The following METAP2 variants were observed in gnomAD, a reference collection of about 807,000 sequenced individuals.
METAP2 encodes the protein methionine aminopeptidase 2.
A neutral mutation model predicts 59.4 loss-of-function variants in METAP2; 25 were observed. That is an observed-to-expected ratio of 0.42 (90% CI 0.31 to 0.59). The LOEUF is 0.59. METAP2 is among the 20% of genes least tolerant of loss of function. The pLI, the probability that METAP2 is intolerant of heterozygous loss-of-function variation, is 0.16. For synonymous variants in METAP2, 214 were observed against 194.1 expected, an observed-to-expected ratio of 1.10 and a Z score of -0.85; for missense variants, 366 against 581.2, an observed-to-expected ratio of 0.63 and a Z score of 3.81.
chr12:95,478,532 T>C (rs987626533), intron 2 of METAP2, among the ~76,000 whole-genome samples: 2 of 152,082 alleles, frequency 1.3e-5, no homozygotes, highest in Non-Finnish European at 2.9e-5. Flanking sequence ...CTCGGGAGGC[T>C]GAGGCAGGAA....
At chr12:95,480,996 A>G (rs553582419) in intron 2 of METAP2, among the ~76,000 whole-genome samples, 3 of 152,312 alleles carry the variant, frequency 2.0e-5, no homozygotes, top group East Asian at 3.9e-4. Flanking sequence ...GTTTAGGTCT[A>G]TGGTTCATTT....
At chr12:95,507,614 G>A (rs77054572) in intron 8 of METAP2, among the ~76,000 whole-genome samples, 3,527 of 152,234 alleles carry the variant, frequency 0.023, 139 homozygotes, top group African/African-American at 0.08. Flanking sequence ...CTGCGTTAAG[G>A]ATCTTCTTTT....
intron 8 of METAP2, among the ~76,000 whole-genome samples, chr12:95,505,392 A>G (rs1316817660): frequency 6.6e-6 from 1 of 152,122 alleles, no homozygotes; most frequent in African/African-American, 2.4e-5. Flanking sequence ...CAATGATGCA[A>G]TCTCGGCTCA....
intron 3 of METAP2, chr12:95,485,023 C>T (rs2076185318): frequency 2.7e-6 from 1 of 376,884 alleles, no homozygotes; most frequent in Non-Finnish European, 5.1e-6. Flanking sequence ...CCTCATTTTC[C>T]TCATCTATAC....
chr12:95,488,511 CAAAAAAAAAA>C (rs537119415), intron 4 of METAP2, among the ~76,000 whole-genome samples: 36,348 of 76,454 alleles, frequency 0.48, 5,673 homozygotes, highest in East Asian at 0.59. Context: ...TTTGTCTCAC[CAAAAAAAAAA>C]AAAAAAAAAA....
chr12:95,488,552 C>T (rs1463946025), intron 4 of METAP2, among the ~76,000 whole-genome samples: 1 of 147,418 alleles, frequency 6.8e-6, no homozygotes, highest in Non-Finnish European at 1.5e-5. Flanking sequence ...CTTCTGAGTT[C>T]CCAGTAGTCT....
chr12:95,501,373 T>C (rs906533857), intron 7 of METAP2, among the ~76,000 whole-genome samples: 2 of 152,154 alleles, frequency 1.3e-5, no homozygotes, highest in African/African-American at 2.4e-5. Flanking sequence ...ATGTAAAAAA[T>C]AGAATATGGA....
In METAP2 at chr12:95,513,671, T is replaced by C. The variant is rs201324586; in HGVS notation, c.1204T>C (p.Leu402=). 26 of 1,613,782 alleles carry C rather than the reference T, an allele frequency of 1.6e-5. No homozygotes were observed. The highest frequency in any genetic ancestry group is 2.1e-5 in the Non-Finnish European group (25 of 1,179,950). ...VPIRLPRTKH[L]LNVINENFGT... ...TCTTAGGCTTCCAAGAACAAAACAC[T>C]TGTTAAATGTCATCAATGAAAACTT... The change falls in exon 11 of 11, where the codon TTG becomes CTG. Residue 402 remains leucine (L), a synonymous_variant. Transcript: ENST00000323666.
intron 7 of METAP2, among the ~76,000 whole-genome samples, chr12:95,499,155 G>T (rs560274598): frequency 5.7e-4 from 86 of 152,104 alleles, no homozygotes; most frequent in Non-Finnish European, 8.7e-4. Context: ...TTTGGTTTTA[G>T]TTTTGAGACA....
intron 2 of METAP2, 65 bp from the exon 3 acceptor site, chr12:95,483,150 G>T (rs1177720798): frequency 2.5e-6 from 3 of 1,187,044 alleles, no homozygotes; most frequent in Non-Finnish European, 3.8e-6. Context: ...TTGTCTCCTT[G>T]TACTTGCTTT....
rs2076427038 is a variant in METAP2 at position 95,514,197 on chromosome 12, G to C, written c.*293G>C. ...TATACGTTTTGTTTTGAATACCTAA[G>C]AGATACTTTTTGGATATTTATATTG... On this transcript the variant is annotated 3_prime_UTR_variant, in exon 11 of 11. Transcript: ENST00000323666. 1 of 343,246 alleles carries C rather than the reference G, an allele frequency of 2.9e-6. No homozygotes were observed. Among genetic ancestry groups the C allele is most frequent in the Non-Finnish European group, 5.2e-6 (1 of 191,526 alleles). 21.3% of individuals were successfully genotyped at this position (343,246 alleles called of 1,614,324 possible).
At chr12:95,483,176 A>T in intron 2 of METAP2, 39 bp from the exon 3 acceptor site, 1 of 1,497,252 alleles carries the variant, frequency 6.7e-7, no homozygotes, top group Non-Finnish European at 9.3e-7. Flanking sequence ...TCTGCTTATG[A>T]GGTTTAAATG....
rs778196232 is a variant in METAP2 at position 95,494,229 on chromosome 12, ACTT to A, written c.590+17_590+19del. On this transcript the variant is annotated intron_variant, in intron 5 of 10. Transcript: ENST00000323666. ...ATGATAGAAATCTGGTAAAAGGAAT[ACTT>A]CTTCGTAAGAACATGATAAAAAATG... The A allele has an allele frequency of 4.4e-6, 7 of 1,606,144 alleles. No individual in the cohort carries two copies. Among genetic ancestry groups the A allele is most frequent in the South Asian group, 2.2e-5 (2 of 90,082 alleles).
chr12:95,475,253 G>A (rs1012138385), intron 1 of METAP2, among the ~76,000 whole-genome samples: 1 of 152,334 alleles, frequency 6.6e-6, no homozygotes, highest in African/African-American at 2.4e-5. Context: ...AATTGAGAGA[G>A]GTCGAAGAGA....
chr12:95,496,738 C>T (rs1225771249), intron 7 of METAP2, among the ~76,000 whole-genome samples: 3 of 151,772 alleles, frequency 2.0e-5, no homozygotes, highest in Non-Finnish European at 2.9e-5. Flanking sequence ...CTTTTCCCCA[C>T]CCACTCAAAT....
chr12:95,483,351 C>G, intron 3 of METAP2, 71 bp downstream of exon 3: 1 of 1,209,458 alleles, frequency 8.3e-7, no homozygotes, highest in Non-Finnish European at 1.2e-6. Context: ...TGGCTCACAC[C>G]TGTGATCCCA....
At chr12:95,484,551 C>T (rs775272595) in intron 3 of METAP2, among the ~76,000 whole-genome samples, 13 of 151,374 alleles carry the variant, frequency 8.6e-5, no homozygotes, top group Non-Finnish European at 1.6e-4. Flanking sequence ...CTTCTGAAGG[C>T]AGACCAGCAG....
intron 7 of METAP2, among the ~76,000 whole-genome samples, chr12:95,498,493 A>G (rs965468596): frequency 6.6e-6 from 1 of 152,164 alleles, no homozygotes; most frequent in Non-Finnish European, 1.5e-5. Flanking sequence ...TGTCATATCC[A>G]GTAAATCATT....
intron 7 of METAP2, among the ~76,000 whole-genome samples, chr12:95,501,995 ATTT>A (rs113290129): frequency 7.6e-6 from 1 of 131,150 alleles, no homozygotes; most frequent in Non-Finnish European, 1.6e-5. Context: ...TTTTAATATA[ATTT>A]TTTTTTTTTT....
Sources: gnomAD v4.1 joint callset for allele counts (sites outside exome capture counted in the v4.1 genomes callset) on GRCh38, gnomAD v4.1.1 for gene constraint, MANE v1.5 for transcripts, NCBI Gene and HGNC (gene_info 2026-07-23, HGNC 2026-07-21) for gene names.